NRG4: variants seen among roughly 807,000 people sequenced by gnomAD.
NRG4 encodes pro-neuregulin-4, membrane-bound isoform.
In NRG4, 10 loss-of-function variants were observed where a neutral mutation model predicts 15.0. That is an observed-to-expected ratio of 0.67 (90% CI 0.41 to 1.13). NRG4 has a LOEUF of 1.13. NRG4 is among the 50% of genes most tolerant of loss of function. The probability of loss-of-function intolerance (pLI) is 0.00; values close to 1 mark genes in which losing one functional copy is unlikely to be tolerated. For synonymous variants in NRG4, 41 were observed against 50.1 expected, an observed-to-expected ratio of 0.82 and a Z score of 0.77; for missense variants, 139 against 140.2, an observed-to-expected ratio of 0.99 and a Z score of 0.04.
intron 3 of NRG4, among the ~76,000 whole-genome samples, chr15:75,970,107 A>G (rs961634169): frequency 2.0e-5 from 3 of 152,230 alleles, no homozygotes; most frequent in Non-Finnish European, 4.4e-5. Context: ...GAGCCAGTCT[A>G]TCTTAACCAT....
intron 4 of NRG4, among the ~76,000 whole-genome samples, chr15:76,039,084 G>A (rs1002162811): frequency 6.6e-6 from 1 of 152,178 alleles, no homozygotes; most frequent in African/African-American, 2.4e-5. Context: ...ACATGGCTTA[G>A]ATCTTAGATC....
At chr15:75,997,188 C>A (rs563407304) in intron 3 of NRG4, among the ~76,000 whole-genome samples, 1 of 151,748 alleles carries the variant, frequency 6.6e-6, no homozygotes, top group Non-Finnish European at 1.5e-5. Flanking sequence ...TAACTTTTTA[C>A]GAGATAATTC....
At chr15:75,965,157 G>A (rs1415753256) in intron 3 of NRG4, among the ~76,000 whole-genome samples, 8 of 151,974 alleles carry the variant, frequency 5.3e-5, no homozygotes, top group African/African-American at 1.9e-4. Flanking sequence ...CCCGGGAGGC[G>A]GAGCTTGCAG....
intron 2 of NRG4, among the ~76,000 whole-genome samples, chr15:76,009,905 C>T (rs2034746464): frequency 1.3e-5 from 2 of 152,046 alleles, no homozygotes; most frequent in African/African-American, 4.8e-5. Context: ...AATTAAAAAG[C>T]TAAGTCATAG....
At chr15:75,955,391 T>A (rs1167017786) in intron 5 of NRG4, among the ~76,000 whole-genome samples, 1 of 152,222 alleles carries the variant, frequency 6.6e-6, no homozygotes, top group Admixed American at 6.5e-5. Context: ...TCAGGGCTCA[T>A]GGTTCCTTTG....
downstream of NRG4, chr15:75,936,330 A>T (rs1328202423): frequency 1.3e-5 from 2 of 152,240 alleles, no homozygotes; most frequent in East Asian, 3.8e-4. Flanking sequence ...TAAAATAAGC[A>T]TTAGTAATAA....
intron 4 of NRG4, among the ~76,000 whole-genome samples, chr15:76,050,437 G>GTTTTT (rs71444951): frequency 1.6e-4 from 15 of 91,868 alleles, no homozygotes; most frequent in Non-Finnish European, 2.8e-4. Context: ...CCGAGCCTTC[G>GTTTTT]TTTTTTTTTT....
At chr15:75,936,120 A>C (rs534577597), downstream of NRG4, 1 of 152,190 alleles carries the variant, frequency 6.6e-6, no homozygotes, top group Non-Finnish European at 1.5e-5. Flanking sequence ...AATCTGCAGA[A>C]ATTTTTAAGA....
intron 4 of NRG4, among the ~76,000 whole-genome samples, chr15:75,957,560 C>T (rs2032298489): frequency 2.8e-4 from 1 of 3,514 alleles, no homozygotes; most frequent in Admixed American, 6.8e-3. Flanking sequence ...TCTACAATTT[C>T]ACTGTTGCAC....
chr15:75,968,088 C>A (rs865874997), intron 3 of NRG4, among the ~76,000 whole-genome samples: 2 of 152,122 alleles, frequency 1.3e-5, no homozygotes, highest in African/African-American at 4.8e-5. Context: ...TGTGTGCATT[C>A]GCTAGTCTTT....
At chr15:76,025,548 C>T (rs950739916) in intron 5 of NRG4, among the ~76,000 whole-genome samples, 2 of 151,828 alleles carry the variant, frequency 1.3e-5, no homozygotes, top group Non-Finnish European at 2.9e-5. Flanking sequence ...AAACAGAAAT[C>T]CTGAAGCTGA....
At chr15:76,027,838 C>T (rs975829914) in intron 5 of NRG4, among the ~76,000 whole-genome samples, 2 of 151,972 alleles carry the variant, frequency 1.3e-5, no homozygotes, top group Non-Finnish European at 2.9e-5. Flanking sequence ...CTTATTTTAC[C>T]ACAATGGATA....
intron 5 of NRG4, among the ~76,000 whole-genome samples, chr15:76,019,332 G>A (rs1380998989): frequency 6.6e-6 from 1 of 152,112 alleles, no homozygotes; most frequent in African/African-American, 2.4e-5. Context: ...CCTTTCCAGG[G>A]GGGTGAACGG....
At chr15:76,055,409 A>G (rs2036129322) in intron 2 of NRG4, among the ~76,000 whole-genome samples, 1 of 152,388 alleles carries the variant, frequency 6.6e-6, no homozygotes, top group East Asian at 1.9e-4. Context: ...ATGTTTAAGT[A>G]ATCAAGTTCT....
chr15:75,971,550 T>A (rs1228040995), intron 3 of NRG4, among the ~76,000 whole-genome samples: 2 of 152,198 alleles, frequency 1.3e-5, no homozygotes, highest in Admixed American at 1.3e-4. Flanking sequence ...CAGAAAGGCC[T>A]TTCCCTCTCA....
intron 3 of NRG4, among the ~76,000 whole-genome samples, chr15:76,004,968 C>T (rs2034545324): frequency 6.6e-6 from 1 of 152,162 alleles, no homozygotes; most frequent in African/African-American, 2.4e-5. Context: ...CTTCTGTTGA[C>T]TGGAAGCCTT....
At position 75,997,397 on chromosome 15, in the gene NRG4, T is replaced by C. The variant is rs545796595; in HGVS notation, c.104+11803A>G. Among the ~76,000 whole-genome samples the C allele has an allele frequency of 1.3e-4, 20 of 152,164 alleles. No homozygotes were observed. In the East Asian group the frequency reaches 2.5e-3, roughly 19 times the overall value. On this transcript the variant is annotated intron_variant, in intron 3 of 5. Transcript: ENST00000394907. ...GAAATTTCCAAATCCTTTTCCATCT[T>C]GGTTTTTCTCAAAAATTCACTCGAG... is the stretch of plus-strand genomic sequence containing the variant.
downstream of NRG4, chr15:75,939,102 G>A (rs2030675465): frequency 6.6e-6 from 1 of 151,902 alleles, no homozygotes; most frequent in Admixed American, 6.6e-5. Flanking sequence ...ATAAAGATTA[G>A]AACAGATATA....
intron 5 of NRG4, among the ~76,000 whole-genome samples, chr15:75,949,908 G>GCAT: frequency 6.6e-6 from 1 of 152,264 alleles, no homozygotes; most frequent in Middle Eastern, 3.4e-3. Flanking sequence ...CCAGTATGAA[G>GCAT]CTTCTAACTT....
Sources: allele counts gnomAD v4.1 joint callset (sites outside exome capture counted in the v4.1 genomes callset), GRCh38; gene constraint gnomAD v4.1.1; transcripts MANE v1.5; gene names NCBI Gene and HGNC (gene_info 2026-07-23, HGNC 2026-07-21).